The following RBFOX1 variants were observed in gnomAD, a reference collection of about 807,000 sequenced individuals.
RBFOX1 encodes RNA binding protein fox-1 homolog 1.
Under a neutral mutation model 57.7 loss-of-function variants are expected in RBFOX1, and 8 were observed. The observed-to-expected ratio is 0.14, with a 90% CI of 0.08 to 0.25. The LOEUF is 0.25. Among genes scored for constraint, RBFOX1 ranks in the 10% least tolerant of loss-of-function variants. RBFOX1 has a pLI of 1.00. For missense variants in RBFOX1, 611 were observed against 548.5 expected, an observed-to-expected ratio of 1.11 and a Z score of -1.14; for synonymous variants, 326 against 222.4, an observed-to-expected ratio of 1.47 and a Z score of -4.15.
At chr16:6,423,037 A>G (rs936826905) in intron 2 of RBFOX1, among the ~76,000 whole-genome samples, 1 of 152,124 alleles carries the variant, frequency 6.6e-6, no homozygotes, top group Non-Finnish European at 1.5e-5. Context: ...TATGTACTAC[A>G]TTTTCTTTAT....
intron 3 of RBFOX1, among the ~76,000 whole-genome samples, chr16:5,770,590 A>G (rs1383625516): frequency 6.6e-6 from 1 of 151,968 alleles, no homozygotes. Flanking sequence ...TGGAGCAGCC[A>G]TTTTCCTGTT....
At position 7,653,677 on chromosome 16, in the gene RBFOX1, C is replaced by T. The variant is rs941610836; in HGVS notation, c.758-138C>T. The T allele has an allele frequency of 3.3e-5, 42 of 1,276,244 alleles. 2 individuals carry two copies. In the African/African-American group the frequency reaches 4.5e-4, roughly 14 times the overall value. The allele number at this position is 1,276,244 out of a possible 1,614,324, so 79.1% of individuals were successfully genotyped here. ...CACCGTGCTGCTCTCTGCTTTTTAA[C>T]CTCTTGATTCCGGGAAGCGGGCGGG... On this transcript the variant is annotated intron_variant, in intron 11 of 15. Transcript: ENST00000550418.
At chr16:6,642,701 C>G (rs1007584101) in intron 2 of RBFOX1, among the ~76,000 whole-genome samples, 11 of 152,102 alleles carry the variant, frequency 7.2e-5, no homozygotes, top group Admixed American at 6.6e-4. Flanking sequence ...AGCCTGCTGT[C>G]TTTATTTGCA....
intron 1 of RBFOX1, among the ~76,000 whole-genome samples, chr16:5,358,628 A>T (rs2065458306): frequency 6.6e-6 from 1 of 152,218 alleles, no homozygotes; most frequent in Non-Finnish European, 1.5e-5. Flanking sequence ...GTTTGAGACC[A>T]GCCTGAATAA....
At chr16:5,694,062 C>A (rs536135534) in intron 3 of RBFOX1, among the ~76,000 whole-genome samples, 1 of 152,200 alleles carries the variant, frequency 6.6e-6, no homozygotes, top group African/African-American at 2.4e-5. Flanking sequence ...GAGCTCAGCT[C>A]TCATTTTGCC....
intron 1 of RBFOX1, chr16:5,270,544 T>C (rs538924821): frequency 4.1e-5 from 25 of 609,070 alleles, no homozygotes; most frequent in Non-Finnish European, 7.3e-5. Context: ...TTGAAACTCA[T>C]GTTGATGTGA....
chr16:7,406,300 A>T (rs1318334551), intron 4 of RBFOX1, among the ~76,000 whole-genome samples: 1 of 152,198 alleles, frequency 6.6e-6, no homozygotes, highest in African/African-American at 2.4e-5. Flanking sequence ...TACGGTTTCT[A>T]ATCCTTACAG....
intron 4 of RBFOX1, among the ~76,000 whole-genome samples, chr16:5,944,690 C>T (rs1340116273): frequency 6.7e-6 from 1 of 150,046 alleles, no homozygotes. Context: ...TGTGGTGGCT[C>T]ACGCCTGTAA....
chr16:7,242,373 A>T (rs186457351), intron 4 of RBFOX1, among the ~76,000 whole-genome samples: 68 of 152,304 alleles, frequency 4.5e-4, no homozygotes, highest in Admixed American at 1.2e-3. Flanking sequence ...GTTGTGCCAC[A>T]TGACAGCTGT....
At chr16:6,503,203 A>G (rs1028157103) in intron 2 of RBFOX1, among the ~76,000 whole-genome samples, 2 of 103,922 alleles carry the variant, frequency 1.9e-5, no homozygotes, top group African/African-American at 3.0e-5. Flanking sequence ...TGTTTTCATA[A>G]CATTTTTTTA....
chr16:7,509,650 A>T (rs2074452161), intron 4 of RBFOX1, among the ~76,000 whole-genome samples: 1 of 152,118 alleles, frequency 6.6e-6, no homozygotes, highest in African/African-American at 2.4e-5. Flanking sequence ...TTTAAGATCG[A>T]TTTGCAGTTA....
intron 3 of RBFOX1, among the ~76,000 whole-genome samples, chr16:6,870,025 T>G (rs2060596876): frequency 6.6e-6 from 1 of 152,176 alleles, no homozygotes; most frequent in African/African-American, 2.4e-5. Flanking sequence ...TCTATGCATA[T>G]CTATCTCTCA....
chr16:5,673,134 A>G (rs1596687826), intron 3 of RBFOX1, among the ~76,000 whole-genome samples: 1 of 152,154 alleles, frequency 6.6e-6, no homozygotes, highest in African/African-American at 2.4e-5. Context: ...TCCTGCTGAC[A>G]CACACAAGCC....
chr16:5,812,346 A>G (rs1443423082), intron 3 of RBFOX1, among the ~76,000 whole-genome samples: 6 of 152,158 alleles, frequency 3.9e-5, no homozygotes, highest in Admixed American at 3.9e-4. Context: ...TTAACTTTTT[A>G]AGAAACTTCC....
chr16:7,278,115 G>C (rs957566587), intron 4 of RBFOX1, among the ~76,000 whole-genome samples: 1 of 151,958 alleles, frequency 6.6e-6, no homozygotes, highest in African/African-American at 2.4e-5. Context: ...AGTGGTATTT[G>C]GCTCCGCTTG....
At chr16:5,520,912 C>G (rs904355661) in intron 2 of RBFOX1, among the ~76,000 whole-genome samples, 2 of 152,154 alleles carry the variant, frequency 1.3e-5, no homozygotes, top group Non-Finnish European at 2.9e-5. Context: ...CTCCTTCATT[C>G]TGGGTCCTGG....
chr16:5,925,847 C>G (rs144693292), intron 4 of RBFOX1, among the ~76,000 whole-genome samples: 1 of 152,142 alleles, frequency 6.6e-6, no homozygotes, highest in East Asian at 1.9e-4. Context: ...ACTACCTGGG[C>G]CCCTCTCAGC....
At chr16:7,234,686 T>A (rs1032818871) in intron 4 of RBFOX1, among the ~76,000 whole-genome samples, 4 of 81,018 alleles carry the variant, frequency 4.9e-5, no homozygotes, top group African/African-American at 3.1e-4. Context: ...TTTATATATA[T>A]ATGTATATAT....
intron 3 of RBFOX1, among the ~76,000 whole-genome samples, chr16:6,860,770 C>A (rs536631529): frequency 1.3e-5 from 2 of 152,016 alleles, no homozygotes; most frequent in East Asian, 1.9e-4. Context: ...TAATGTTGAA[C>A]AACAACAAAA....
Sources: gnomAD v4.1 joint callset for allele counts (sites outside exome capture counted in the v4.1 genomes callset) on GRCh38, gnomAD v4.1.1 for gene constraint, MANE v1.5 for transcripts, NCBI Gene and HGNC (gene_info 2026-07-23, HGNC 2026-07-21) for gene names.